The following SPECC1L variants were observed in gnomAD, a reference collection of about 807,000 sequenced individuals.
SPECC1L encodes the protein sperm antigen with calponin homology and coiled-coil domains 1 like, also known as cytospin-A.
In SPECC1L, 40 loss-of-function variants were observed where a neutral mutation model predicts 116.8. That is an observed-to-expected ratio of 0.34 (90% CI 0.27 to 0.45). SPECC1L has a LOEUF of 0.45. Ranked by LOEUF, SPECC1L falls within the 20% of genes least tolerant of loss-of-function variation. The pLI is 1.00. For synonymous variants in SPECC1L, 504 were observed against 500.6 expected, an observed-to-expected ratio of 1.01 and a Z score of -0.09; for missense variants, 1,110 against 1,373.6, an observed-to-expected ratio of 0.81 and a Z score of 3.03.
intron 1 of SPECC1L, among the ~76,000 whole-genome samples, chr22:24,271,449 C>T (rs1490327230): frequency 1.3e-5 from 2 of 152,386 alleles, no homozygotes; most frequent in Non-Finnish European, 2.9e-5. Flanking sequence ...AGGCGGCGGA[C>T]CCCGGGCCTG....
At chr22:24,363,128 G>A in intron 11 of SPECC1L, 133 bp from the exon 12 acceptor site, 1 of 786,844 alleles carries the variant, frequency 1.3e-6, no homozygotes. Flanking sequence ...ATGGGAAATT[G>A]TTGAAGTTCC....
At chr22:24,279,981 C>G (rs1292303019) in intron 2 of SPECC1L, among the ~76,000 whole-genome samples, 1 of 152,156 alleles carries the variant, frequency 6.6e-6, no homozygotes, top group Non-Finnish European at 1.5e-5. Flanking sequence ...CTTTTTCTTC[C>G]TCATTTCTTT....
chr22:24,290,970 A>G (rs2049145716), intron 2 of SPECC1L, among the ~76,000 whole-genome samples: 1 of 152,172 alleles, frequency 6.6e-6, no homozygotes, highest in Admixed American at 6.5e-5. Flanking sequence ...TTCATTTAGC[A>G]GCATTCACTT....
chr22:24,336,955 G>GT (rs1415914337), intron 9 of SPECC1L, among the ~76,000 whole-genome samples: 1 of 152,158 alleles, frequency 6.6e-6, no homozygotes, highest in Non-Finnish European at 1.5e-5. Context: ...TAGGCTTCAT[G>GT]TTAGATGATT....
At chr22:24,386,391 A>AC (rs1204666518) in intron 14 of SPECC1L, among the ~76,000 whole-genome samples, 6 of 151,898 alleles carry the variant, frequency 4.0e-5, no homozygotes, top group African/African-American at 1.5e-4. Context: ...ACATAGTGAG[A>AC]CCCCCGTCCC....
At chr22:24,323,171 A>G in intron 5 of SPECC1L, 1 of 912,148 alleles carries the variant, frequency 1.1e-6, no homozygotes, top group Non-Finnish European at 1.3e-6. Context: ...CTGGTATTAC[A>G]GCTAAAACCA....
Position 24,338,446 on chromosome 22 carries a change from C to A in SPECC1L, c.2621C>A (p.Thr874Asn). The A allele has an allele frequency of 6.2e-7, 1 of 1,614,120 alleles. No homozygotes were observed. Among genetic ancestry groups the A allele is most frequent in the Non-Finnish European group, 8.5e-7 (1 of 1,180,008 alleles). ...CCCCTGAGCCCAAGTCCTATGAAAA[C>A]CCCTCCTGCAGCAGCTGTGTCCCCT... Reference protein sequence around the residue: ...RTPLSPSPMKTPPAAAVSPMQ... With the variant: ...RTPLSPSPMKNPPAAAVSPMQ... The change falls in exon 10 of 17, where the codon ACC becomes AAC. Residue 874 changes from threonine (T) to asparagine (N), a missense_variant. Coordinates refer to ENST00000314328, the MANE Select transcript of SPECC1L (RefSeq NM_015330.6).
intron 8 of SPECC1L, among the ~76,000 whole-genome samples, chr22:24,331,009 CACTT>C (rs1473701338): frequency 1.3e-5 from 2 of 152,214 alleles, no homozygotes; most frequent in African/African-American, 4.8e-5. Flanking sequence ...TTCTCTCTAT[CACTT>C]ACTTGAGGAA....
At chr22:24,304,344 T>C (rs925342296) in intron 3 of SPECC1L, 2 of 152,348 alleles carry the variant, frequency 1.3e-5, no homozygotes, top group Middle Eastern at 3.4e-3. Flanking sequence ...TTTCAAGTAT[T>C]GTTTGAGGCT....
intron 11 of SPECC1L, among the ~76,000 whole-genome samples, chr22:24,354,005 G>T (rs1189586009): frequency 6.6e-6 from 1 of 152,220 alleles, no homozygotes; most frequent in Non-Finnish European, 1.5e-5. Flanking sequence ...AGCTTCTGGT[G>T]AGGCCTCAGG....
rs1443688250 is a variant in SPECC1L at position 24,274,508 on chromosome 22, AGACT to A, written c.-141-2182_-141-2179del. The stretch of plus-strand genomic sequence containing the variant: ...CAGAATAGTAGTTTTTACATTCTGA[AGACT>A]GACTGACTGCTCTCAGCCACTTCTG... On this transcript the variant is annotated intron_variant, in intron 1 of 16. Transcript: ENST00000314328. Among the ~76,000 whole-genome samples the A allele has an allele frequency of 1.2e-4, 18 of 152,372 alleles. No individual in the cohort carries two copies. The East Asian group carries it at 2.3e-3, about 20-fold the overall frequency.
At chr22:24,366,483 G>A (rs529365810) in intron 13 of SPECC1L, among the ~76,000 whole-genome samples, 2 of 152,216 alleles carry the variant, frequency 1.3e-5, no homozygotes, top group East Asian at 1.9e-4. Flanking sequence ...GTGAGCCACC[G>A]TGCCTGGCCT....
chr22:24,337,828 A>G (rs993563156), intron 9 of SPECC1L, among the ~76,000 whole-genome samples: 3 of 152,174 alleles, frequency 2.0e-5, no homozygotes, highest in Admixed American at 6.5e-5. Context: ...AACATAAACT[A>G]CTTTTCAGCA....
intron 14 of SPECC1L, among the ~76,000 whole-genome samples, chr22:24,399,975 G>A (rs2042440840): frequency 6.6e-6 from 1 of 152,186 alleles, no homozygotes; most frequent in African/African-American, 2.4e-5. Context: ...TAACTTCTCA[G>A]TAAACACTCC....
intron 2 of SPECC1L, among the ~76,000 whole-genome samples, chr22:24,288,687 G>A (rs917363706): frequency 7.8e-6 from 1 of 128,492 alleles, no homozygotes; most frequent in Middle Eastern, 5.4e-3. Context: ...GTGCAATGGC[G>A]TGATCTTGGC....
intron 14 of SPECC1L, among the ~76,000 whole-genome samples, chr22:24,405,412 A>G (rs2042567430): frequency 6.6e-6 from 1 of 151,062 alleles, no homozygotes. Flanking sequence ...CCACGTCCCC[A>G]GGAGCAGGGC....
chr22:24,330,947 G>A (rs894734938), intron 8 of SPECC1L, among the ~76,000 whole-genome samples: 2 of 152,186 alleles, frequency 1.3e-5, no homozygotes, highest in African/African-American at 4.8e-5. Flanking sequence ...GCAATGATCA[G>A]TATACTTTAG....
At chr22:24,279,507 C>G (rs1307315198) in intron 2 of SPECC1L, among the ~76,000 whole-genome samples, 1 of 151,996 alleles carries the variant, frequency 6.6e-6, no homozygotes, top group Non-Finnish European at 1.5e-5. Context: ...GGATTACAGG[C>G]ATGAGCCACT....
At chr22:24,355,299 A>G (rs1601599333) in intron 11 of SPECC1L, among the ~76,000 whole-genome samples, 2 of 151,370 alleles carry the variant, frequency 1.3e-5, no homozygotes, top group East Asian at 3.9e-4. Flanking sequence ...AAAAAAAAAA[A>G]AAAAGGAAAC....
Sources: allele counts gnomAD v4.1 joint callset (sites outside exome capture counted in the v4.1 genomes callset), GRCh38; gene constraint gnomAD v4.1.1; transcripts MANE v1.5; gene names NCBI Gene and HGNC (gene_info 2026-07-23, HGNC 2026-07-21).